The following CCSER1 variants were observed in gnomAD, a reference collection of about 807,000 sequenced individuals.
The protein encoded by CCSER1 is serine-rich coiled-coil domain-containing protein 1.
Under a neutral mutation model 82.0 loss-of-function variants are expected in CCSER1, and 41 were observed. The observed-to-expected ratio is 0.50, with a 90% confidence interval of 0.39 to 0.65. CCSER1 has a LOEUF of 0.65. CCSER1 is among the 30% of genes least tolerant of loss of function. The pLI, the probability that CCSER1 is intolerant of heterozygous loss-of-function variation, is 0.00. For synonymous variants in CCSER1, 414 were observed against 383.9 expected, an observed-to-expected ratio of 1.08 and a Z score of -0.92; for missense variants, 1,119 against 1,064.2, an observed-to-expected ratio of 1.05 and a Z score of -0.72.
chr4:91,025,437 A>G (rs993718222), intron 9 of CCSER1, among the ~76,000 whole-genome samples: 1 of 152,036 alleles, frequency 6.6e-6, no homozygotes, highest in Non-Finnish European at 1.5e-5. Flanking sequence ...GCACTTTTAG[A>G]TGATGTGCTG....
At chr4:90,300,701 T>C (rs1732927069) in intron 1 of CCSER1, among the ~76,000 whole-genome samples, 1 of 152,220 alleles carries the variant, frequency 6.6e-6, no homozygotes, top group South Asian at 2.1e-4. Flanking sequence ...TGCTTTCCTT[T>C]TACCTGTACA....
At chr4:90,485,529 C>T (rs918990387) in intron 5 of CCSER1, among the ~76,000 whole-genome samples, 13 of 150,580 alleles carry the variant, frequency 8.6e-5, no homozygotes, top group African/African-American at 2.4e-4. Context: ...CCCCCCCCCC[C>T]CAATTTAACT....
intron 10 of CCSER1, among the ~76,000 whole-genome samples, chr4:91,165,302 C>G (rs1340348941): frequency 6.6e-6 from 1 of 152,160 alleles, no homozygotes; most frequent in Non-Finnish European, 1.5e-5. Context: ...GCAAATACTG[C>G]TGCCTGATCC....
At chr4:91,071,736 G>A (rs1721460057) in intron 9 of CCSER1, among the ~76,000 whole-genome samples, 1 of 151,844 alleles carries the variant, frequency 6.6e-6, no homozygotes, top group Admixed American at 6.6e-5. Flanking sequence ...TCATCAAATA[G>A]TTTTTCAAAT....
At chr4:91,257,935 ATAC>A (rs1400190116) in intron 10 of CCSER1, among the ~76,000 whole-genome samples, 1 of 152,086 alleles carries the variant, frequency 6.6e-6, no homozygotes, top group Non-Finnish European at 1.5e-5. Context: ...ATTTATTTTA[ATAC>A]TTAAGCATTT....
intron 10 of CCSER1, among the ~76,000 whole-genome samples, chr4:91,188,847 C>T (rs1734779924): frequency 6.6e-6 from 1 of 151,874 alleles, no homozygotes; most frequent in Non-Finnish European, 1.5e-5. Flanking sequence ...CATAATATAC[C>T]CATAATTATT....
chr4:91,033,841 C>A (rs62310985), intron 9 of CCSER1, among the ~76,000 whole-genome samples: 1 of 152,218 alleles, frequency 6.6e-6, no homozygotes, highest in Admixed American at 6.5e-5. Context: ...TATTAAAAGC[C>A]TGATGTTTGC....
intron 7 of CCSER1, among the ~76,000 whole-genome samples, chr4:90,813,547 C>A (rs1714392145): frequency 6.6e-6 from 1 of 152,256 alleles, no homozygotes; most frequent in Admixed American, 6.5e-5. Flanking sequence ...AATTGAATCA[C>A]AGGGGCTGTT....
chr4:91,391,364 G>A (rs186666938), intron 10 of CCSER1, among the ~76,000 whole-genome samples: 213 of 152,206 alleles, frequency 1.4e-3, no homozygotes, highest in African/African-American at 4.5e-3. Context: ...GCAGTGGCAC[G>A]ATCATGGCTC....
At chr4:90,368,561 G>T (rs1469939026) in intron 3 of CCSER1, among the ~76,000 whole-genome samples, 2 of 151,812 alleles carry the variant, frequency 1.3e-5, no homozygotes, top group East Asian at 3.9e-4. Context: ...TGAGCCAGGA[G>T]TTTGAGGCTG....
chr4:90,849,980 A>C (rs1332534634), intron 8 of CCSER1, among the ~76,000 whole-genome samples: 3 of 152,066 alleles, frequency 2.0e-5, no homozygotes, highest in African/African-American at 7.2e-5. Context: ...AAATGGTTTC[A>C]TGGGCTGGGC....
chr4:91,343,692 G>C (rs552757379), intron 10 of CCSER1, among the ~76,000 whole-genome samples: 1 of 152,196 alleles, frequency 6.6e-6, no homozygotes, highest in South Asian at 2.1e-4. Flanking sequence ...GGAGATGATA[G>C]ATCTTTAACA....
chr4:90,933,409 A>G (rs563478623), intron 9 of CCSER1, among the ~76,000 whole-genome samples: 69 of 151,256 alleles, frequency 4.6e-4, no homozygotes, highest in African/African-American at 9.2e-4. Flanking sequence ...GGATGGTCTC[A>G]ATCTCCTGAC....
intron 6 of CCSER1, among the ~76,000 whole-genome samples, chr4:90,692,063 A>G (rs1736108809): frequency 7.0e-6 from 1 of 143,026 alleles, no homozygotes; most frequent in South Asian, 2.3e-4. Context: ...ATATATATAT[A>G]TATATATGAT....
intron 8 of CCSER1, among the ~76,000 whole-genome samples, chr4:90,897,694 ATCT>A (rs1004477998): frequency 1.6e-4 from 25 of 152,068 alleles, no homozygotes; most frequent in Admixed American, 1.3e-3. Context: ...TCTTTGAGAA[ATCT>A]TCTACCATTT....
intron 10 of CCSER1, among the ~76,000 whole-genome samples, chr4:91,523,162 G>A (rs1402429691): frequency 2.0e-5 from 3 of 152,118 alleles, no homozygotes; most frequent in Non-Finnish European, 1.5e-5. Flanking sequence ...TTCTGTTTAT[G>A]TGATGGATTA....
At chr4:90,232,046 C>T in intron 1 of CCSER1, among the ~76,000 whole-genome samples, 1 of 152,146 alleles carries the variant, frequency 6.6e-6, no homozygotes, top group Non-Finnish European at 1.5e-5. Context: ...GGCCATTCTG[C>T]CCAAGGTAAT....
intron 9 of CCSER1, among the ~76,000 whole-genome samples, chr4:91,076,267 GT>G (rs1339663165): frequency 6.6e-6 from 1 of 150,998 alleles, no homozygotes; most frequent in Non-Finnish European, 1.5e-5. Context: ...TTTTTACATT[GT>G]TTATACAGTA....
chr4:91,455,866 C>T (rs1756139139), intron 10 of CCSER1, among the ~76,000 whole-genome samples: 1 of 151,974 alleles, frequency 6.6e-6, no homozygotes, highest in Non-Finnish European at 1.5e-5. Context: ...AGGAATGGCT[C>T]ACGTTATTGA....
Sources: gnomAD v4.1 joint callset for allele counts (sites outside exome capture counted in the v4.1 genomes callset) on GRCh38, gnomAD v4.1.1 for gene constraint, MANE v1.5 for transcripts, NCBI Gene and HGNC (gene_info 2026-07-23, HGNC 2026-07-21) for gene names.